The following CMTM7 variants were observed in gnomAD, a reference collection of about 807,000 sequenced individuals.
The protein encoded by CMTM7 is CKLF like MARVEL transmembrane domain containing 7, also known as CKLF-like MARVEL transmembrane domain-containing protein 7.
A neutral mutation model predicts 19.3 loss-of-function variants in CMTM7; 7 were observed. The observed-to-expected ratio is 0.36, with a 90% confidence interval of 0.21 to 0.68. CMTM7 has a LOEUF of 0.68. CMTM7 is among the 30% of genes least tolerant of loss of function. The pLI is 0.60. For synonymous variants in CMTM7, 87 were observed against 99.3 expected (o/e 0.88, Z 0.74); for missense variants, 193 against 232.6 (o/e 0.83, Z 1.11).
At chr3:32,402,450 A>G (rs1696024799) in intron 1 of CMTM7, among the ~76,000 whole-genome samples, 1 of 152,182 alleles carries the variant, frequency 6.6e-6, no homozygotes, top group Non-Finnish European at 1.5e-5. Context: ...ATTGATAACC[A>G]GAGAGGCGGT....
At chr3:32,402,115 T>A (rs978296248) in intron 1 of CMTM7, among the ~76,000 whole-genome samples, 1 of 152,196 alleles carries the variant, frequency 6.6e-6, no homozygotes, top group Admixed American at 6.5e-5. Flanking sequence ...GGTTTTGGTT[T>A]TTTTGAGACG....
At chr3:32,443,519 G>A (rs571235695) in intron 2 of CMTM7, among the ~76,000 whole-genome samples, 1 of 152,244 alleles carries the variant, frequency 6.6e-6, no homozygotes, top group Non-Finnish European at 1.5e-5. Flanking sequence ...GAATAATGCT[G>A]CTATGAGCAT....
chr3:32,421,369 C>T (rs1353270177), intron 1 of CMTM7, among the ~76,000 whole-genome samples: 1 of 152,180 alleles, frequency 6.6e-6, no homozygotes, highest in African/African-American at 2.4e-5. Context: ...CATACCTGTG[C>T]AGTTTGCCTA....
At chr3:32,419,776 G>A (rs781081353) in intron 1 of CMTM7, among the ~76,000 whole-genome samples, 1 of 152,168 alleles carries the variant, frequency 6.6e-6, no homozygotes, top group Non-Finnish European at 1.5e-5. Context: ...GATATGATAT[G>A]CTAATATTTT....
intron 1 of CMTM7, among the ~76,000 whole-genome samples, chr3:32,421,163 T>C (rs1047495101): frequency 6.6e-6 from 1 of 152,090 alleles, no homozygotes; most frequent in African/African-American, 2.4e-5. Context: ...ACAAACTGAC[T>C]TCTGTGTCTT....
chr3:32,394,324 TG>T (rs11306233), intron 1 of CMTM7, among the ~76,000 whole-genome samples: 37,722 of 152,088 alleles, frequency 0.25, 5,997 homozygotes, highest in African/African-American at 0.45. Context: ...TGCCACCCAT[TG>T]GGGCTTTCTT....
chr3:32,401,556 T>C (rs1450228876), intron 1 of CMTM7, among the ~76,000 whole-genome samples: 1 of 152,214 alleles, frequency 6.6e-6, no homozygotes, highest in East Asian at 1.9e-4. Context: ...TTTATTTAAA[T>C]TCCCGTTGCA....
At chr3:32,402,639 T>G (rs1031709983) in intron 1 of CMTM7, among the ~76,000 whole-genome samples, 1 of 152,212 alleles carries the variant, frequency 6.6e-6, no homozygotes, top group South Asian at 2.1e-4. Context: ...CTCGGCTCAC[T>G]GTAACCTTCG....
Position 32,414,762 on chromosome 3 carries a change from A to G in CMTM7, c.159+22697A>G, listed in dbSNP as rs148157792. 3.3e-5 allele frequency among the ~76,000 whole-genome samples: 5 copies of G among 152,316 alleles called. No individual in the cohort carries two copies. In the East Asian group the frequency reaches 9.6e-4, roughly 29 times the overall value. ...GACCCAGTGAGAGTTTTACTTTTGC[A>G]TTTAGCTCTTGTGGGCAGAGCATGT... On this transcript the variant is annotated intron_variant, in intron 1 of 4. Transcript: ENST00000334983.
intron 1 of CMTM7, among the ~76,000 whole-genome samples, chr3:32,417,876 C>T (rs1696290402): frequency 6.6e-6 from 1 of 152,070 alleles, no homozygotes; most frequent in Admixed American, 6.5e-5. Flanking sequence ...GGCTGAAGTG[C>T]AGTAGCATGA....
At chr3:32,438,724 G>A (rs552414129) in intron 1 of CMTM7, among the ~76,000 whole-genome samples, 2 of 152,174 alleles carry the variant, frequency 1.3e-5, no homozygotes, top group Non-Finnish European at 2.9e-5. Flanking sequence ...AGAAAGGTTC[G>A]AGATGTTTCT....
rs1002171423 is a variant in CMTM7 at position 32,449,171 on chromosome 3, G to C, written c.334-283G>C. ...CCACAGATTGCTCTCAGGAGTAGAGGAGTCCTTAGTGGCTATCTCTGCTCA... is the reference window on the plus strand; with the variant it reads ...CCACAGATTGCTCTCAGGAGTAGAGCAGTCCTTAGTGGCTATCTCTGCTCA... On this transcript the variant is annotated intron_variant, in intron 2 of 4. Transcript: ENST00000334983. This position sits in a 1 kb window ranked among gnomAD's most constrained non-coding sequence, Gnocchi z 4.5. Among the ~76,000 whole-genome samples the C allele has an allele frequency of 1.1e-4, 17 of 152,202 alleles. No homozygotes were observed.
chr3:32,395,842 A>C (rs1002466451), intron 1 of CMTM7, among the ~76,000 whole-genome samples: 1 of 152,256 alleles, frequency 6.6e-6, no homozygotes, highest in African/African-American at 2.4e-5. Flanking sequence ...TCATAACAGC[A>C]TTATTCATAA....
chr3:32,434,290 G>A (rs549408346), intron 1 of CMTM7, among the ~76,000 whole-genome samples: 1 of 152,064 alleles, frequency 6.6e-6, no homozygotes, highest in Non-Finnish European at 1.5e-5. Context: ...TATTTTTAAT[G>A]TAGGGGACTA....
rs1224578447 is a variant in CMTM7 at position 32,449,808 on chromosome 3, A to G, written c.432+256A>G. ...CTCTCTCTCTTACAGGCACTACTGA[A>G]ATCAGGGGGCCAGGCGGGTTTTAAT... On this transcript the variant is annotated intron_variant, in intron 3 of 4. Coordinates refer to ENST00000334983, the MANE Select transcript of CMTM7 (RefSeq NM_138410.4). The surrounding 1 kb of genome is among the most constrained non-coding windows in gnomAD (Gnocchi z 4.5). 6.6e-6 allele frequency among the ~76,000 whole-genome samples: 1 copy of G among 152,064 alleles called. No individual in the cohort carries two copies. Among genetic ancestry groups the G allele is most frequent in the African/African-American group, 2.4e-5 (1 of 41,412 alleles).
At chr3:32,421,991 C>G (rs1266959440) in intron 1 of CMTM7, among the ~76,000 whole-genome samples, 1 of 151,756 alleles carries the variant, frequency 6.6e-6, no homozygotes. Context: ...CTAGCCCCTA[C>G]TGTCTGTGTT....
At chr3:32,410,552 C>CCAGGCCCAGAA (rs1382495413) in intron 1 of CMTM7, among the ~76,000 whole-genome samples, 4 of 152,150 alleles carry the variant, frequency 2.6e-5, no homozygotes, top group Non-Finnish European at 5.9e-5. Flanking sequence ...AGCCCTTCTG[C>CCAGGCCCAGAA]CAGGCCCAGA....
chr3:32,416,807 A>G (rs1006833872), intron 1 of CMTM7, among the ~76,000 whole-genome samples: 6 of 151,688 alleles, frequency 4.0e-5, no homozygotes, highest in Non-Finnish European at 7.4e-5. Context: ...TTTTGGTATT[A>G]AGAAATTCCA....
chr3:32,413,048 C>G (rs1477531267), intron 1 of CMTM7, among the ~76,000 whole-genome samples: 1 of 152,234 alleles, frequency 6.6e-6, no homozygotes, highest in Non-Finnish European at 1.5e-5. Context: ...CAGACCAAAT[C>G]TGGCCTGCCA....
Sources: allele counts gnomAD v4.1 joint callset (sites outside exome capture counted in the v4.1 genomes callset), GRCh38; gene constraint gnomAD v4.1.1; non-coding constraint Gnocchi (gnomAD v3.1); transcripts MANE v1.5; gene names NCBI Gene and HGNC (gene_info 2026-07-23, HGNC 2026-07-21).